The following PRKG2 variants were observed in gnomAD, a reference collection of about 807,000 sequenced individuals.
The protein encoded by PRKG2 is protein kinase cGMP-dependent 2.
PRKG2 carries 33 observed loss-of-function variants against 97.2 expected under a neutral mutation model. The observed-to-expected ratio is 0.34, with a 90% CI of 0.26 to 0.45. The LOEUF is 0.45. PRKG2 is among the 20% of genes least tolerant of loss of function. The pLI, the probability that PRKG2 is intolerant of heterozygous loss-of-function variation, is 1.00. For synonymous variants in PRKG2, 330 were observed against 321.8 expected (o/e 1.03, Z -0.27); for missense variants, 638 against 900.0 (o/e 0.71, Z 3.73).
intron 12 of PRKG2, among the ~76,000 whole-genome samples, 175 bp from the exon 13 acceptor site, chr4:81,137,657 C>G (rs1746844439): frequency 6.6e-6 from 1 of 152,206 alleles, no homozygotes; most frequent in Admixed American, 6.5e-5. Context: ...CACTGCCTTG[C>G]TTCTGCTCCT....
intron 1 of PRKG2, among the ~76,000 whole-genome samples, chr4:81,213,972 A>G (rs1754137183): frequency 6.6e-6 from 1 of 152,182 alleles, no homozygotes; most frequent in African/African-American, 2.4e-5. Context: ...CTACCATATT[A>G]GCTCATACCC....
rs74935333 is a variant in PRKG2, at chr4:81,178,578, C to T, written c.462-3619G>A. 2.4e-3 allele frequency among the ~76,000 whole-genome samples: 360 copies of T among 151,238 alleles called. 2 individuals are homozygous for T. Among genetic ancestry groups the T allele is most frequent in the African/African-American group, 7.5e-3 (307 of 41,168 alleles). On this transcript the variant is annotated intron_variant, in intron 2 of 18. Coordinates refer to ENST00000264399, the MANE Select transcript of PRKG2 (RefSeq NM_006259.3). ...AAAACACAATATCTGAAGCTTGACACGCAAAAGATCAGTTTGCAATCCGAT... is the reference window on the plus strand; with the variant it reads ...AAAACACAATATCTGAAGCTTGACATGCAAAAGATCAGTTTGCAATCCGAT...
rs569139996 is a variant in PRKG2, at chr4:81,157,657, A to T, written c.913-3936T>A. Among the ~76,000 whole-genome samples, 147 of 152,132 alleles carry T rather than the reference A, an allele frequency of 9.7e-4. 2 individuals are homozygous for T. The South Asian group carries it at 0.023, about 24-fold the overall frequency. ...GAGAATTTTAGACCAATATCCTTGA[A>T]GAACATTGATGCAAAAATCCTCAAT... On this transcript the variant is annotated intron_variant, in intron 6 of 18. Coordinates refer to ENST00000264399, the MANE Select transcript of PRKG2 (RefSeq NM_006259.3).
At chr4:81,185,377 A>G (rs1751784940) in intron 2 of PRKG2, among the ~76,000 whole-genome samples, 1 of 152,170 alleles carries the variant, frequency 6.6e-6, no homozygotes, top group South Asian at 2.1e-4. Flanking sequence ...CAGCCAAACT[A>G]AGCTTTATAA....
At chr4:81,150,492 A>G (rs1484687595) in intron 8 of PRKG2, among the ~76,000 whole-genome samples, 2 of 152,148 alleles carry the variant, frequency 1.3e-5, no homozygotes, top group African/African-American at 4.8e-5. Flanking sequence ...AAATATAAAA[A>G]TATTTGTCTC....
chr4:81,151,889 T>A (rs1748435659), intron 8 of PRKG2, 71 bp downstream of exon 8: 1 of 1,225,336 alleles, frequency 8.2e-7, no homozygotes, highest in Non-Finnish European at 1.2e-6. Context: ...ATTTAACAAC[T>A]CTAAATGATT....
intron 6 of PRKG2, among the ~76,000 whole-genome samples, chr4:81,157,738 A>G (rs1749230883): frequency 6.6e-6 from 1 of 152,018 alleles, no homozygotes; most frequent in Non-Finnish European, 1.5e-5. Flanking sequence ...CACATGATCA[A>G]CTGGGCTTCA....
chr4:81,153,537 T>C (rs1748626928), intron 7 of PRKG2, 107 bp downstream of exon 7: 10 of 828,994 alleles, frequency 1.2e-5, no homozygotes, highest in African/African-American at 5.2e-5. Context: ...AGCTCCTTTA[T>C]CTGTCCAAAG....
intron 6 of PRKG2, among the ~76,000 whole-genome samples, chr4:81,154,620 C>T (rs925540861): frequency 6.6e-6 from 1 of 150,534 alleles, no homozygotes; most frequent in African/African-American, 2.5e-5. Flanking sequence ...CCCATCTGTA[C>T]ATCACCATCA....
In PRKG2 at chr4:81,174,954, T is replaced by C. The variant is rs1750796919; in HGVS notation, c.467A>G (p.Lys156Arg). 10 of 1,604,798 alleles carry C rather than the reference T, an allele frequency of 6.2e-6. No homozygotes were observed. Among genetic ancestry groups the C allele is most frequent in the South Asian group, 2.2e-5 (2 of 89,066 alleles). ...ATTAAGGGCATCTGTAATGAGCTTC[T>C]TCTCACTGGTATAATGGAAAAGAGA... ...KARVRKDSSE[K>R]KLITDALNKN... The change falls in exon 3 of 19, where the codon AAG becomes AGG. Residue 156 changes from lysine to arginine, a missense_variant. Physicochemically the swap from Lys to Arg is conservative, Grantham distance 26. Around this residue, in one of 3 missense-constraint regions of PRKG2, gnomAD observed 332 missense variants for 421.7 expected, o/e 0.79. Transcript: ENST00000264399.
At chr4:81,215,285 G>A (rs761304843), upstream of PRKG2, among the ~76,000 whole-genome samples, 11 of 152,182 alleles carry the variant, frequency 7.2e-5, no homozygotes, top group Non-Finnish European at 1.2e-4. Flanking sequence ...GGTCAGCCGG[G>A]GCTACTGCCT....
At chr4:81,151,898 T>G in intron 8 of PRKG2, 62 bp downstream of exon 8, 1 of 1,308,920 alleles carries the variant, frequency 7.6e-7, no homozygotes, top group Non-Finnish European at 1.1e-6. Flanking sequence ...CTCTAAATGA[T>G]TTTATATAAA....
At chr4:81,110,642 A>G in intron 14 of PRKG2, 31 bp from the exon 15 acceptor site, 1 of 1,610,724 alleles carries the variant, frequency 6.2e-7, no homozygotes, top group Non-Finnish European at 8.5e-7. Context: ...AATTGTGCAG[A>G]AACCATAAAA....
chr4:81,147,988 A>G (rs1172618426), intron 9 of PRKG2, among the ~76,000 whole-genome samples: 2 of 152,164 alleles, frequency 1.3e-5, no homozygotes, highest in Non-Finnish European at 2.9e-5. Context: ...TTTAACTTGC[A>G]TTATGGGTTC....
intron 1 of PRKG2, among the ~76,000 whole-genome samples, chr4:81,210,628 T>C (rs933524832): frequency 3.9e-5 from 6 of 152,158 alleles, no homozygotes; most frequent in African/African-American, 1.4e-4. Flanking sequence ...ATAGTTACAT[T>C]AGGGGACAAT....
At chr4:81,144,599 T>TAC (rs1747636502) in intron 9 of PRKG2, among the ~76,000 whole-genome samples, 1 of 129,346 alleles carries the variant, frequency 7.7e-6, no homozygotes, top group Admixed American at 7.0e-5. Flanking sequence ...TAAGGTTATA[T>TAC]ATATATATAT....
intron 2 of PRKG2, among the ~76,000 whole-genome samples, chr4:81,184,116 T>G (rs1751669725): frequency 1.3e-5 from 2 of 152,156 alleles, no homozygotes; most frequent in Non-Finnish European, 2.9e-5. Context: ...GAGAGCAGCG[T>G]ATCTCCCAGC....
chr4:81,189,634 A>T (rs1752292740), intron 2 of PRKG2, among the ~76,000 whole-genome samples: 1 of 150,192 alleles, frequency 6.7e-6, no homozygotes, highest in Non-Finnish European at 1.5e-5. Flanking sequence ...GTGGGGAGGG[A>T]TAGCTTTAGG....
chr4:81,171,917 T>G (rs17005081), intron 3 of PRKG2, 113 bp from the exon 4 acceptor site: 7 of 672,810 alleles, frequency 1.0e-5, no homozygotes, highest in Non-Finnish European at 1.6e-5. Flanking sequence ...AGGTAAGATA[T>G]TTTATGATTC....
Sources: allele counts gnomAD v4.1 joint callset (sites outside exome capture counted in the v4.1 genomes callset), GRCh38; gene constraint gnomAD v4.1.1; regional missense constraint gnomAD v4.1.1; transcripts MANE v1.5; gene names NCBI Gene and HGNC (gene_info 2026-07-23, HGNC 2026-07-21).